THBS4: variants seen among roughly 807,000 people sequenced by gnomAD.
The protein encoded by THBS4 is thrombospondin-4.
A neutral mutation model predicts 115.7 loss-of-function variants in THBS4; 90 were observed. The ratio of observed to expected loss-of-function variants is 0.78; its 90% CI spans 0.66 to 0.93. The LOEUF is 0.93. Among genes scored for constraint, THBS4 ranks in the 40% least tolerant of loss-of-function variants. The pLI, the probability that THBS4 is intolerant of heterozygous loss-of-function variation, is 0.00. For missense variants in THBS4, 1,087 were observed against 1,232.7 expected, an observed-to-expected ratio of 0.88 and a Z score of 1.77; for synonymous variants, 460 against 479.3, an observed-to-expected ratio of 0.96 and a Z score of 0.53.
Position 80,082,561 on chromosome 5 carries a change from G to A in THBS4, c.2824+16G>A, listed in dbSNP as rs200338831. 2.0e-4 allele frequency: 330 copies of A among 1,613,732 alleles called. No individual in the cohort carries two copies. The highest frequency in any genetic ancestry group is 2.6e-4 in the Non-Finnish European group (301 of 1,179,784). ...CGCTGCAATGGTAATGTGCATTCTCGTTACTGTTCAACATTGTTACTAGAA... is the reference window on the plus strand; with the variant it reads ...CGCTGCAATGGTAATGTGCATTCTCATTACTGTTCAACATTGTTACTAGAA... On this transcript the variant is annotated intron_variant, in intron 21 of 21. Transcript: ENST00000350881.
chr5:80,028,761 CA>C (rs915406858), intron 2 of THBS4, among the ~76,000 whole-genome samples: 1 of 152,066 alleles, frequency 6.6e-6, no homozygotes, highest in Non-Finnish European at 1.5e-5. Flanking sequence ...GCCCGGCCCA[CA>C]AAACCATACT....
At chr5:80,036,225 C>A (rs1319582810) in intron 1 of THBS4, 8 of 983,438 alleles carry the variant, frequency 8.1e-6, no homozygotes, top group African/African-American at 1.7e-5. Flanking sequence ...GAAATCAGTT[C>A]TTTGCAGCAA....
At position 80,078,037 on chromosome 5, in the gene THBS4, C is replaced by T; in HGVS notation, c.2087-12C>T. On this transcript the variant is annotated splice_polypyrimidine_tract_variant and intron_variant, in intron 16 of 21. Coordinates refer to ENST00000350881, the MANE Select transcript of THBS4 (RefSeq NM_003248.6). ...CGCTATTGAGCTCCTGTCCTTTCTC[C>T]ACCCCACTCAGGCGACGGAGTGGGA... 1 of 1,558,548 alleles carries T rather than the reference C, an allele frequency of 6.4e-7. No homozygotes were observed. The highest frequency in any genetic ancestry group is 1.2e-5 in the South Asian group (1 of 83,996).
intron 20 of THBS4, 123 bp downstream of exon 20, chr5:80,080,200 C>T (rs962093478): frequency 1.5e-5 from 18 of 1,182,450 alleles, no homozygotes; most frequent in Non-Finnish European, 1.9e-5. Context: ...CATGCCAGGA[C>T]TTTTGTGACC....
intron 4 of THBS4, 76 bp from the exon 5 acceptor site, chr5:80,058,632 G>A (rs866744232): frequency 8.1e-7 from 1 of 1,237,440 alleles, no homozygotes; most frequent in South Asian, 1.2e-5. Flanking sequence ...GATTTCCTGG[G>A]GAATAATTTG....
intron 2 of THBS4, among the ~76,000 whole-genome samples, chr5:80,004,658 G>C (rs1831980296): frequency 6.6e-6 from 1 of 152,078 alleles, no homozygotes; most frequent in Non-Finnish European, 1.5e-5. Flanking sequence ...GTTTTTTATT[G>C]TTTCACTTAC....
intron 1 of THBS4, among the ~76,000 whole-genome samples, chr5:79,994,541 A>AC (rs2151146889): frequency 6.6e-6 from 1 of 152,316 alleles, no homozygotes; most frequent in South Asian, 2.1e-4. Flanking sequence ...AGGGAATAAA[A>AC]ATTTATGTTC....
intron 20 of THBS4, chr5:80,082,015 C>G (rs1743528548): frequency 6.0e-6 from 1 of 165,396 alleles, no homozygotes; most frequent in African/African-American, 2.4e-5. Context: ...AGTTTTTAAG[C>G]ATGGTATCTA....
chr5:80,071,853 T>G (rs976139732), intron 13 of THBS4: 14 of 176,560 alleles, frequency 7.9e-5, no homozygotes, highest in Admixed American at 2.2e-4. Context: ...TCCTCATTGC[T>G]GATTTCAAGC....
At chr5:80,014,198 A>G (rs2151155764) in intron 2 of THBS4, among the ~76,000 whole-genome samples, 1 of 152,342 alleles carries the variant, frequency 6.6e-6, no homozygotes, top group East Asian at 1.9e-4. Context: ...CAGGAAAGAG[A>G]TAACGTCTCA....
upstream of THBS4, among the ~76,000 whole-genome samples, chr5:80,030,681 T>G (rs113140715): frequency 0.01 from 1,587 of 152,212 alleles, 24 homozygotes; most frequent in African/African-American, 0.035. Flanking sequence ...TTTTTAATTT[T>G]TATTTTTATA....
chr5:80,025,447 A>G (rs1294265307), intron 2 of THBS4, among the ~76,000 whole-genome samples: 1 of 152,202 alleles, frequency 6.6e-6, no homozygotes, highest in Non-Finnish European at 1.5e-5. Context: ...GATTGTGTTC[A>G]AGGCACTGCA....
At chr5:80,080,577 A>ATCTTTTTTTTTT (rs1743444023) in intron 20 of THBS4, among the ~76,000 whole-genome samples, 1 of 66,826 alleles carries the variant, frequency 1.5e-5, no homozygotes. Flanking sequence ...CAGCGCTTGT[A>ATCTTTTTTTTTT]TCTTTTTTTT....
intron 2 of THBS4, among the ~76,000 whole-genome samples, chr5:80,043,862 A>G (rs187790818): frequency 3.3e-5 from 5 of 152,230 alleles, no homozygotes; most frequent in Non-Finnish European, 5.9e-5. Flanking sequence ...TGAATAATGT[A>G]CCCATGTCTC....
chr5:80,017,431 C>T (rs1399699980), intron 2 of THBS4, among the ~76,000 whole-genome samples: 3 of 152,112 alleles, frequency 2.0e-5, no homozygotes, highest in African/African-American at 4.8e-5. Context: ...AATGCATCCT[C>T]TGTCTATTCA....
upstream of THBS4, among the ~76,000 whole-genome samples, chr5:80,030,645 G>T (rs548161890): frequency 2.6e-5 from 4 of 152,246 alleles, no homozygotes; most frequent in East Asian, 7.7e-4. Context: ...GAGATTATAG[G>T]TGTGAGCTAC....
intron 14 of THBS4, 75 bp from the exon 15 acceptor site, chr5:80,073,200 G>A: frequency 1.4e-6 from 2 of 1,454,666 alleles, no homozygotes; most frequent in East Asian, 2.3e-5. Flanking sequence ...ATGATGATGG[G>A]TGAGGTCTGC....
At position 80,061,839 on chromosome 5, in the gene THBS4, T is replaced by C; in HGVS notation, c.1125+7T>C. 6.2e-7 allele frequency: 1 copy of C among 1,604,926 alleles called. No individual in the cohort carries two copies. Among genetic ancestry groups the C allele is most frequent in the Non-Finnish European group, 8.5e-7 (1 of 1,174,982 alleles). On this transcript the variant is annotated splice_region_variant and intron_variant, in intron 8 of 21. Transcript: ENST00000350881. ...TGCCAAGTCAAACAAGCAGGTAGGCTGAAGTCATGGTTTCTATTCATTTCT... is the reference window on the plus strand; with the variant it reads ...TGCCAAGTCAAACAAGCAGGTAGGCCGAAGTCATGGTTTCTATTCATTTCT...
At chr5:80,080,655 C>T (rs989209094) in intron 20 of THBS4, among the ~76,000 whole-genome samples, 14 of 137,744 alleles carry the variant, frequency 1.0e-4, no homozygotes, top group African/African-American at 3.8e-4. Context: ...GGCGTGATCT[C>T]AGCTCACTGC....
Sources: gnomAD v4.1 joint callset for allele counts (sites outside exome capture counted in the v4.1 genomes callset) on GRCh38, gnomAD v4.1.1 for gene constraint, MANE v1.5 for transcripts, NCBI Gene and HGNC (gene_info 2026-07-23, HGNC 2026-07-21) for gene names.